C5orf15: variants seen among roughly 807,000 people sequenced by gnomAD.
C5orf15 encodes the protein chromosome 5 open reading frame 15, also known as keratinocyte-associated transmembrane protein 2.
Under a neutral mutation model 17.8 loss-of-function variants are expected in C5orf15, and 10 were observed. The observed-to-expected ratio is 0.56, with a 90% CI of 0.35 to 0.95. C5orf15 has a LOEUF of 0.95. Ranked by LOEUF, C5orf15 falls within the 40% of genes least tolerant of loss-of-function variation. The pLI is 0.02. For missense variants in C5orf15, 319 were observed against 331.7 expected (o/e 0.96, Z 0.30); for synonymous variants, 124 against 131.0 (o/e 0.95, Z 0.36).
At chr5:133,963,783 T>C (rs1752154453) in intron 1 of C5orf15, among the ~76,000 whole-genome samples, 1 of 144,180 alleles carries the variant, frequency 6.9e-6, no homozygotes, top group Admixed American at 7.0e-5. Flanking sequence ...GGGTCTCGCT[T>C]TGTCACTTAG....
chr5:133,956,900 C>A lies in C5orf15; in HGVS notation c.757G>T (p.Ala253Ser). The A allele has an allele frequency of 5.6e-6, 9 of 1,606,274 alleles. No homozygotes were observed. The highest frequency in any genetic ancestry group is 7.6e-6 in the Non-Finnish European group (9 of 1,177,240). Reference sequence around the variant, plus strand: ...TTGGTAATCTTCAAAGAAGGCATTGCCTCATTAACATTCTGATCTAGGCGA... The same window carrying A: ...TTGGTAATCTTCAAAGAAGGCATTGACTCATTAACATTCTGATCTAGGCGA... ...YHRLDQNVNE[A>S]MPSLKITNDY... Residue 253 changes from alanine to serine, a missense_variant, in exon 3 of 3, where the codon GCA (alanine) becomes TCA (serine). Transcript: ENST00000231512.
At chr5:133,962,729 T>C (rs570055912) in intron 1 of C5orf15, among the ~76,000 whole-genome samples, 4 of 152,302 alleles carry the variant, frequency 2.6e-5, no homozygotes, top group Admixed American at 2.0e-4. Context: ...CTCAATTTCA[T>C]GCATTCTACT....
At chr5:133,968,421 A>T in intron 1 of C5orf15, 25 bp downstream of exon 1, 1 of 1,599,184 alleles carries the variant, frequency 6.3e-7, no homozygotes, top group Non-Finnish European at 8.5e-7. Flanking sequence ...AGCCTTCCTA[A>T]GCCCACACTG....
Position 133,968,573 on chromosome 5 carries a change from G to A in C5orf15, c.12C>T (p.Ala4=), listed in dbSNP as rs778567814. The A allele has an allele frequency of 1.1e-5, 17 of 1,609,354 alleles. No homozygotes were observed. Among genetic ancestry groups the A allele is most frequent in the African/African-American group, 1.3e-5 (1 of 75,026 alleles). Residue 4 remains alanine, a synonymous_variant, in exon 1 of 3, where the codon GCC becomes GCT. Coordinates refer to ENST00000231512, the MANE Select transcript of C5orf15 (RefSeq NM_020199.3). Reference sequence around the variant, plus strand: ...CTGGCCCCCTCATCCTCTTCGGGACGGCAGCGGCCATAACGGACTCGGCTG... The same window carrying A: ...CTGGCCCCCTCATCCTCTTCGGGACAGCAGCGGCCATAACGGACTCGGCTG... MAA[A]VPKRMRGPAQ...
At position 133,959,650 on chromosome 5, in the gene C5orf15, T is replaced by C; in HGVS notation, c.510A>G (p.Glu170=). Residue 170 remains glutamate, a synonymous_variant, in exon 2 of 3, where the codon GAA becomes GAG. Transcript: ENST00000231512. ...RDDDESDDTL[E]ENRGYMEIEQ... ...CAATTTCCATGTAACCCCTGTTTTCTTCCAAGGTGTCATCAGACTCGTCGT... is the reference window on the plus strand; with the variant it reads ...CAATTTCCATGTAACCCCTGTTTTCCTCCAAGGTGTCATCAGACTCGTCGT... 1 of 1,613,664 alleles carries C rather than the reference T, an allele frequency of 6.2e-7. No homozygotes were observed. Among genetic ancestry groups the C allele is most frequent in the Non-Finnish European group, 8.5e-7 (1 of 1,179,884 alleles).
chr5:133,957,995 G>C (rs550534463), intron 2 of C5orf15, among the ~76,000 whole-genome samples: 1 of 152,266 alleles, frequency 6.6e-6, no homozygotes, highest in Admixed American at 6.5e-5. Context: ...TCCTACAGAT[G>C]TCTCTTGTGC....
At chr5:133,957,097 C>A in intron 2 of C5orf15, 107 bp from the exon 3 acceptor site, 1 of 1,019,306 alleles carries the variant, frequency 9.8e-7, no homozygotes, top group East Asian at 2.7e-5. Context: ...ATATAAAACA[C>A]AAAATATCAA....
Position 133,959,984 on chromosome 5 carries a change from A to G in C5orf15, c.176T>C (p.Leu59Pro). 6.2e-7 allele frequency: 1 copy of G among 1,613,074 alleles called. No homozygotes were observed. Among genetic ancestry groups the G allele is most frequent in the South Asian group, 1.1e-5 (1 of 91,038 alleles). ...SRTDSPSPTVLNSHISTPNVN... is the reference protein window; with the variant it reads ...SRTDSPSPTVPNSHISTPNVN... ...ATTTGGGGTAGAAATATGTGAGTTG[A>G]GTACGGTTGGGCTCGGTGAATCAGT... Residue 59 changes from leucine to proline, a missense_variant, in exon 2 of 3, where the codon CTC (leucine) becomes CCC (proline). Physicochemically the swap from Leu to Pro is moderately conservative, Grantham distance 98. This residue lies in a region of C5orf15 where 127 missense variants were observed against 95.6 expected (regional missense o/e 1.33). Coordinates refer to ENST00000231512, the MANE Select transcript of C5orf15 (RefSeq NM_020199.3).
At position 133,956,955 on chromosome 5, in the gene C5orf15, A is replaced by G; in HGVS notation, c.702T>C (p.Asp234=). The G allele has an allele frequency of 6.2e-7, 1 of 1,611,638 alleles. No homozygotes were observed. Residue 234 remains aspartate (D), a synonymous_variant, in exon 3 of 3, where the codon GAT becomes GAC. Coordinates refer to ENST00000231512, the MANE Select transcript of C5orf15 (RefSeq NM_020199.3). ...FLLVQSRKWR[D]GLCSKTVEYH... ...ATTCCACTGTTTTGGAACAAAGGCC[A>G]TCACGCCATTTCCTGCTTTGAACCA...
rs778567814 is a variant in C5orf15 at position 133,968,573 on chromosome 5, G to T, written c.12C>A (p.Ala4=). 1 of 1,609,354 alleles carries T rather than the reference G, an allele frequency of 6.2e-7. No individual in the cohort carries two copies. The highest frequency in any genetic ancestry group is 2.2e-5 in the East Asian group (1 of 44,764). ...CTGGCCCCCTCATCCTCTTCGGGACGGCAGCGGCCATAACGGACTCGGCTG... is the reference window on the plus strand; with the variant it reads ...CTGGCCCCCTCATCCTCTTCGGGACTGCAGCGGCCATAACGGACTCGGCTG... MAA[A]VPKRMRGPAQ... The change falls in exon 1 of 3, where the codon GCC becomes GCA. Residue 4 remains alanine, a synonymous_variant. Transcript: ENST00000231512.
intron 1 of C5orf15, among the ~76,000 whole-genome samples, chr5:133,960,433 T>G (rs1752107506): frequency 6.6e-6 from 1 of 152,204 alleles, no homozygotes; most frequent in East Asian, 1.9e-4. Context: ...AAAAAGTGGC[T>G]GATTCTCACT....
At chr5:133,959,234 A>G (rs1752082531) in intron 2 of C5orf15, among the ~76,000 whole-genome samples, 1 of 151,912 alleles carries the variant, frequency 6.6e-6, no homozygotes, top group Non-Finnish European at 1.5e-5. Context: ...TAATTTAATA[A>G]TTTTTAAAAA....
At chr5:133,964,637 T>A (rs1752169759) in intron 1 of C5orf15, among the ~76,000 whole-genome samples, 1 of 152,198 alleles carries the variant, frequency 6.6e-6, no homozygotes, top group Non-Finnish European at 1.5e-5. Flanking sequence ...TCAAAATAAG[T>A]TTAAATAAAT....
chr5:133,960,314 G>C (rs1028533231), intron 1 of C5orf15, among the ~76,000 whole-genome samples: 1 of 152,130 alleles, frequency 6.6e-6, no homozygotes, highest in East Asian at 1.9e-4. Flanking sequence ...TTTAAGTCAC[G>C]ATGGCAAAGT....
chr5:133,957,289 G>A (rs761054140), intron 2 of C5orf15, among the ~76,000 whole-genome samples: 33 of 151,678 alleles, frequency 2.2e-4, no homozygotes, highest in Non-Finnish European at 3.8e-4. Flanking sequence ...CTCGAGCCCA[G>A]GAGGCAGAGA....
rs199939979 is a variant in C5orf15, at chr5:133,965,815, T to C, written c.139+2631A>G. Among the ~76,000 whole-genome samples the C allele has an allele frequency of 3.5e-4, 54 of 152,252 alleles. 1 individual carries two copies. The East Asian group carries it at 9.9e-3, about 28-fold the overall frequency. ...TGGCAGGCACCTGTGGTCCCAGCTA[T>C]TCAGGGGGCTGAAGTGGGAGGACTG... On this transcript the variant is annotated intron_variant, in intron 1 of 2. Transcript: ENST00000231512.
At chr5:133,966,113 C>T (rs557597964) in intron 1 of C5orf15, among the ~76,000 whole-genome samples, 3 of 151,780 alleles carry the variant, frequency 2.0e-5, no homozygotes, top group African/African-American at 4.8e-5. Flanking sequence ...CCAGCATACT[C>T]GGGAGGCTGA....
At chr5:133,966,826 C>T (rs892741843) in intron 1 of C5orf15, among the ~76,000 whole-genome samples, 5 of 152,176 alleles carry the variant, frequency 3.3e-5, no homozygotes, top group Non-Finnish European at 5.9e-5. Flanking sequence ...AGCTTCTTTT[C>T]AGGACAGAAT....
chr5:133,959,805 T>C lies in C5orf15; in HGVS notation c.355A>G (p.Asn119Asp). 1 of 1,614,124 alleles carries C rather than the reference T, an allele frequency of 6.2e-7. No individual in the cohort carries two copies. Among genetic ancestry groups the C allele is most frequent in the Non-Finnish European group, 8.5e-7 (1 of 1,180,008 alleles). ...TCCTCCTCTATACTAGGATCTTCAT[T>C]GTTATCAGCTTCCTCTTGAGACAGA... ...TPLSQEEADNNEDPSIEEEDL... is the reference protein window; with the variant it reads ...TPLSQEEADNDEDPSIEEEDL... Residue 119 changes from asparagine to aspartate, a missense_variant, in exon 2 of 3, where the codon AAT becomes GAT. Around this residue, in one of 3 missense-constraint regions of C5orf15, gnomAD observed 175 missense variants for 192.4 expected, o/e 0.91. Coordinates refer to ENST00000231512, the MANE Select transcript of C5orf15 (RefSeq NM_020199.3).
Sources: allele counts gnomAD v4.1 joint callset (sites outside exome capture counted in the v4.1 genomes callset), GRCh38; gene constraint gnomAD v4.1.1; regional missense constraint gnomAD v4.1.1; transcripts MANE v1.5; gene names NCBI Gene and HGNC (gene_info 2026-07-23, HGNC 2026-07-21).